Variants in PRKCQ observed in about 807,000 individuals in gnomAD.
PRKCQ encodes protein kinase C theta.
PRKCQ carries 41 observed loss-of-function variants against 91.2 expected under a neutral mutation model. That is an observed-to-expected ratio of 0.45 (90% CI 0.35 to 0.58). PRKCQ has a LOEUF of 0.58. PRKCQ is among the 20% of genes least tolerant of loss of function. The pLI, the probability that PRKCQ is intolerant of heterozygous loss-of-function variation, is 0.00. For missense variants in PRKCQ, 673 were observed against 896.5 expected (o/e 0.75, Z 3.18); for synonymous variants, 307 against 316.9 (o/e 0.97, Z 0.33).
At chr10:6,503,335 A>G (rs1051253672) in intron 4 of PRKCQ, among the ~76,000 whole-genome samples, 8 of 152,182 alleles carry the variant, frequency 5.3e-5, no homozygotes, top group African/African-American at 1.9e-4. Context: ...TGTGGGTTGA[A>G]GGTTGGTTAC....
At chr10:6,534,488 T>C (rs1839502210) in intron 1 of PRKCQ, among the ~76,000 whole-genome samples, 1 of 152,084 alleles carries the variant, frequency 6.6e-6, no homozygotes, top group Admixed American at 6.6e-5. Context: ...GATCTCGCCA[T>C]AGCAATTTGG....
chr10:6,536,753 C>T (rs985918315), intron 1 of PRKCQ, among the ~76,000 whole-genome samples: 3 of 152,130 alleles, frequency 2.0e-5, no homozygotes, highest in Non-Finnish European at 4.4e-5. Context: ...CTTCCCGACA[C>T]AACACTTTCC....
intron 15 of PRKCQ, among the ~76,000 whole-genome samples, chr10:6,454,699 T>C (rs1588684678): frequency 6.6e-6 from 1 of 151,940 alleles, no homozygotes. Flanking sequence ...ATGCATTTAC[T>C]TGGAGGTCTC....
At chr10:6,414,304 T>G in the PRKCQ span, among the ~76,000 whole-genome samples, 1 of 152,172 alleles carries the variant, frequency 6.6e-6, no homozygotes, top group Non-Finnish European at 1.5e-5. Context: ...AAGCAAGATC[T>G]GAAAGTACCA....
rs79520303 is a variant in PRKCQ, at chr10:6,579,710, C to A, written c.-10+501G>T. 5.1e-3 allele frequency among the ~76,000 whole-genome samples: 771 copies of A among 150,856 alleles called. 19 individuals are homozygous for A. Among genetic ancestry groups the A allele is most frequent in the East Asian group, 0.045 (230 of 5,108 alleles). ...CCTCCCCCTCCCCCAGGCCCTTGACCAGAAACTTGGCTTGTTTAGAAGCCT... is the reference window on the plus strand; with the variant it reads ...CCTCCCCCTCCCCCAGGCCCTTGACAAGAAACTTGGCTTGTTTAGAAGCCT... On this transcript the variant is annotated intron_variant, in intron 1 of 17. Coordinates refer to ENST00000263125, the MANE Select transcript of PRKCQ (RefSeq NM_006257.5).
In PRKCQ at chr10:6,498,662, C is replaced by T. The variant is rs555618252; in HGVS notation, c.380-104G>A. 3.1e-5 allele frequency: 35 copies of T among 1,141,228 alleles called. No individual in the cohort carries two copies. In the South Asian group the frequency reaches 4.7e-4, roughly 15 times the overall value. The allele number at this position is 1,141,228 out of a possible 1,614,324, so 70.7% of individuals were successfully genotyped here. On this transcript the variant is annotated intron_variant, in intron 4 of 17. Transcript: ENST00000263125. ...GAGATGGGCAAGGGATGGAGGAGGACCAGCTCTGAGTACCTGCTGTAACAT... is the reference window on the plus strand; with the variant it reads ...GAGATGGGCAAGGGATGGAGGAGGATCAGCTCTGAGTACCTGCTGTAACAT...
At chr10:6,415,991 C>A in the PRKCQ span, among the ~76,000 whole-genome samples, 74 of 152,136 alleles carry the variant, frequency 4.9e-4, no homozygotes, top group Middle Eastern at 3.4e-3. Flanking sequence ...AGGTGATATG[C>A]CCGACTCGAC....
intron 10 of PRKCQ, 94 bp downstream of exon 10, chr10:6,485,058 C>A: frequency 9.2e-7 from 1 of 1,086,404 alleles, no homozygotes; most frequent in Non-Finnish European, 1.4e-6. Flanking sequence ...CCTATCAGAC[C>A]AGGTAAGCTG....
chr10:6,531,939 A>T (rs1468114271), intron 1 of PRKCQ, among the ~76,000 whole-genome samples: 2 of 152,228 alleles, frequency 1.3e-5, no homozygotes, highest in East Asian at 3.8e-4. Flanking sequence ...CTACCTAATT[A>T]GCAGCAGGAA....
At chr10:6,447,552 C>T (rs1272563427) in intron 15 of PRKCQ, among the ~76,000 whole-genome samples, 1 of 152,152 alleles carries the variant, frequency 6.6e-6, no homozygotes, top group Non-Finnish European at 1.5e-5. Context: ...TTTTGAGACG[C>T]ACTTTAGCTC....
rs59752400 is a variant in PRKCQ, at chr10:6,552,460, CTT to C, written c.-10+27749_-10+27750del. ...AACAGCAGGGCTCAAACCTGTTAGT[CTT>C]TTTTTTTTTTTTTTGTCTTTCTAGA... On this transcript the variant is annotated intron_variant, in intron 1 of 17. Coordinates refer to ENST00000263125, the MANE Select transcript of PRKCQ (RefSeq NM_006257.5). Among the ~76,000 whole-genome samples the C allele has an allele frequency of 1.2e-3, 167 of 137,170 alleles. 1 individual carries two copies. Among genetic ancestry groups the C allele is most frequent in the East Asian group, 2.3e-3 (11 of 4,732 alleles). The allele number at this position is 137,170 out of a possible 152,430, so 90.0% of individuals were successfully genotyped here.
chr10:6,479,956 T>TA (rs920421017), intron 11 of PRKCQ, among the ~76,000 whole-genome samples: 32 of 149,770 alleles, frequency 2.1e-4, no homozygotes, highest in African/African-American at 6.9e-4. Context: ...TGTCTCAAAA[T>TA]AAAAAAAAAT....
chr10:6,438,966 T>TA (rs1371433903), intron 16 of PRKCQ, among the ~76,000 whole-genome samples: 2 of 152,282 alleles, frequency 1.3e-5, no homozygotes, highest in Non-Finnish European at 2.9e-5. Flanking sequence ...GACAGCTCAG[T>TA]ATATGTAGGT....
intron 1 of PRKCQ, among the ~76,000 whole-genome samples, chr10:6,519,917 A>G (rs1043760375): frequency 1.3e-5 from 2 of 152,166 alleles, no homozygotes; most frequent in African/African-American, 4.8e-5. Flanking sequence ...TTGAAGAGAG[A>G]GCACCTTCCA....
rs996971973 is a variant in PRKCQ, at chr10:6,489,054, ATTACAGGTCTG to A, written c.790+2618_790+2628del. Among the ~76,000 whole-genome samples the A allele has an allele frequency of 5.3e-5, 8 of 152,214 alleles. No individual in the cohort carries two copies. In the East Asian group the frequency reaches 1.2e-3, roughly 22 times the overall value. On this transcript the variant is annotated intron_variant, in intron 8 of 17. Coordinates refer to ENST00000263125, the MANE Select transcript of PRKCQ (RefSeq NM_006257.5). ...CGCATTGCCCTCCCAAAGTGCTGGG[ATTACAGGTCTG>A]TTACCGTGCCCGGCCTAAAATCTTT... is the stretch of plus-strand genomic sequence containing the variant.
At chr10:6,504,528 T>C (rs1293508667) in intron 4 of PRKCQ, among the ~76,000 whole-genome samples, 2 of 152,228 alleles carry the variant, frequency 1.3e-5, no homozygotes, top group African/African-American at 4.8e-5. Flanking sequence ...CTTGCTAACC[T>C]TTAATGCCCA....
chr10:6,477,851 G>C (rs1005799114), intron 12 of PRKCQ, among the ~76,000 whole-genome samples: 1 of 152,234 alleles, frequency 6.6e-6, no homozygotes, highest in African/African-American at 2.4e-5. Flanking sequence ...CTGGGCGACA[G>C]AGTGAGACTC....
intron 10 of PRKCQ, among the ~76,000 whole-genome samples, chr10:6,483,801 C>T (rs1836750232): frequency 6.6e-6 from 1 of 152,130 alleles, no homozygotes; most frequent in African/African-American, 2.4e-5. Flanking sequence ...TGTCTGTGAG[C>T]CTGGCATTTG....
the PRKCQ span, among the ~76,000 whole-genome samples, chr10:6,394,767 C>CACAGGAGGAGAAAGAAA: frequency 6.6e-6 from 1 of 152,206 alleles, no homozygotes; most frequent in African/African-American, 2.4e-5. Flanking sequence ...GAAGCAGGGC[C>CACAGGAGGAGAAAGAAA]ATTTTATAAT....
Sources: allele counts gnomAD v4.1 joint callset (sites outside exome capture counted in the v4.1 genomes callset), GRCh38; gene constraint gnomAD v4.1.1; transcripts MANE v1.5; gene names NCBI Gene and HGNC (gene_info 2026-07-23, HGNC 2026-07-21).